Variants in CBFB observed in about 807,000 individuals in gnomAD.
CBFB encodes the protein CBF-beta.
CBFB carries 9 observed loss-of-function variants against 30.4 expected under a neutral mutation model. The ratio of observed to expected loss-of-function variants is 0.30; its 90% CI spans 0.18 to 0.52. CBFB has a LOEUF of 0.52. Ranked by LOEUF, CBFB falls within the 20% of genes least tolerant of loss-of-function variation. The probability of loss-of-function intolerance (pLI) is 0.97; values close to 1 mark genes in which losing one functional copy is unlikely to be tolerated. For missense variants in CBFB, 170 were observed against 244.0 expected, an observed-to-expected ratio of 0.70 and a Z score of 2.02; for synonymous variants, 94 against 84.0, an observed-to-expected ratio of 1.12 and a Z score of -0.65.
Position 67,029,831 on chromosome 16 carries a change from G to A in CBFB, c.165+18G>A, listed in dbSNP as rs779443787. The A allele has an allele frequency of 4.5e-6, 7 of 1,565,604 alleles. No individual in the cohort carries two copies. In the Admixed American group the frequency reaches 7.2e-5, roughly 16 times the overall value. On this transcript the variant is annotated intron_variant, in intron 2 of 5. Coordinates refer to ENST00000412916, the MANE Select transcript of CBFB (RefSeq NM_022845.3). ...CGGAAATCGTAAGTCGGCTGGCCCG[G>A]GGCGCGCGCGGGTCACTTGTTGCGC...
intron 5 of CBFB, among the ~76,000 whole-genome samples, chr16:67,086,117 G>C (rs1054790474): frequency 2.0e-5 from 3 of 152,184 alleles, no homozygotes; most frequent in African/African-American, 2.4e-5. Context: ...TGTGATACTT[G>C]TTTTCTTTGA....
chr16:67,033,213 G>T (rs1369712250), intron 2 of CBFB, among the ~76,000 whole-genome samples: 1 of 152,198 alleles, frequency 6.6e-6, no homozygotes, highest in Non-Finnish European at 1.5e-5. Context: ...TAAGGGCTGT[G>T]TTGATCATCT....
At chr16:67,053,800 G>A (rs1217443081) in intron 3 of CBFB, among the ~76,000 whole-genome samples, 3 of 151,372 alleles carry the variant, frequency 2.0e-5, no homozygotes, top group Non-Finnish European at 4.4e-5. Flanking sequence ...AGCTGCTCTG[G>A]TATTTTCTGC....
chr16:67,035,489 C>T (rs996923914), intron 2 of CBFB, among the ~76,000 whole-genome samples: 15 of 152,138 alleles, frequency 9.9e-5, no homozygotes, highest in African/African-American at 3.6e-4. Context: ...TAGGGAAATG[C>T]CATCAGAGAG....
chr16:67,037,380 CAA>C (rs776685655), intron 3 of CBFB, among the ~76,000 whole-genome samples: 22 of 151,952 alleles, frequency 1.4e-4, no homozygotes, highest in East Asian at 3.9e-4. Flanking sequence ...AAAAATAAAA[CAA>C]GAGGAAAACG....
rs902553051 is a variant in CBFB, at chr16:67,099,697, TTC to T, written c.*920_*921del. 6 of 205,054 alleles carry T rather than the reference TTC, an allele frequency of 2.9e-5. No homozygotes were observed. The highest frequency in any genetic ancestry group is 5.0e-5 in the Non-Finnish European group (5 of 99,940). 12.7% of individuals were successfully genotyped at this position (205,054 alleles called of 1,614,324 possible). A position where few individuals can be genotyped will look rare whatever the true frequency, so the allele number is the denominator to read the frequency against. On this transcript the variant is annotated 3_prime_UTR_variant, in exon 6 of 6. Coordinates refer to ENST00000412916, the MANE Select transcript of CBFB (RefSeq NM_022845.3). ...AAGTCACAGGCTGGCTTCTGTTTTA[TTC>T]AGGGATTTTTTTAAAAAGTCAATCA...
At chr16:67,065,380 T>C (rs975579783) in intron 3 of CBFB, among the ~76,000 whole-genome samples, 1 of 152,238 alleles carries the variant, frequency 6.6e-6, no homozygotes, top group Non-Finnish European at 1.5e-5. Flanking sequence ...AGGATACTTA[T>C]TTTCGATATT....
At chr16:67,043,067 C>T (rs1966558949) in intron 3 of CBFB, among the ~76,000 whole-genome samples, 1 of 152,174 alleles carries the variant, frequency 6.6e-6, no homozygotes, top group African/African-American at 2.4e-5. Context: ...TTCTTCAAGT[C>T]ACTTTCATAC....
chr16:67,082,178 C>T (rs777543960), intron 4 of CBFB, 35 bp from the exon 5 acceptor site: 59 of 1,316,040 alleles, frequency 4.5e-5, no homozygotes, highest in Non-Finnish European at 5.1e-5. Context: ...TTTTATAAAT[C>T]AAAATTAAAA....
chr16:67,085,706 C>A (rs369611891), intron 5 of CBFB, among the ~76,000 whole-genome samples: 3 of 127,564 alleles, frequency 2.4e-5, no homozygotes, highest in Non-Finnish European at 3.1e-5. Context: ...GAGACGGAGT[C>A]TCGCTCTGTC....
At chr16:67,095,093 C>T (rs1385748980) in intron 5 of CBFB, among the ~76,000 whole-genome samples, 1 of 151,146 alleles carries the variant, frequency 6.6e-6, no homozygotes, top group Non-Finnish European at 1.5e-5. Context: ...GAAGCGCATG[C>T]CGGCTACTCA....
At position 67,030,170 on chromosome 16, in the gene CBFB, C is replaced by CATTCAAGG. The variant is rs1194429005; in HGVS notation, c.165+358_165+365dup. The CATTCAAGG allele has an allele frequency of 1.9e-5, 4 of 207,542 alleles. No homozygotes were observed. The East Asian group carries it at 3.8e-4, about 20-fold the overall frequency. 12.9% of individuals were successfully genotyped at this position (207,542 alleles called of 1,614,324 possible). On this transcript the variant is annotated intron_variant, in intron 2 of 5. Coordinates refer to ENST00000412916, the MANE Select transcript of CBFB (RefSeq NM_022845.3). ...CCATTCGGAAAAAGAAGTGGAGCTT[C>CATTCAAGG]ATTCAAGGTCGGCGATAGTTTGTTT...
chr16:67,029,681 G>A (rs765094036), intron 1 of CBFB, 46 bp from the exon 2 acceptor site: 2 of 1,508,566 alleles, frequency 1.3e-6, no homozygotes, highest in South Asian at 1.2e-5. Context: ...GCGCGCGGGC[G>A]GCGCCGCGGA....
intron 3 of CBFB, among the ~76,000 whole-genome samples, chr16:67,048,451 T>A (rs890784502): frequency 2.6e-5 from 4 of 152,190 alleles, no homozygotes; most frequent in African/African-American, 9.7e-5. Context: ...CTCACTTTTT[T>A]AAAAGCTATT....
At chr16:67,069,437 T>TA (rs1476271582) in intron 4 of CBFB, among the ~76,000 whole-genome samples, 1 of 151,334 alleles carries the variant, frequency 6.6e-6, no homozygotes, top group African/African-American at 2.4e-5. Flanking sequence ...GACTAAATGG[T>TA]AGATAAGAGC....
chr16:67,068,921 T>C (rs1180680864), intron 4 of CBFB, among the ~76,000 whole-genome samples: 1 of 152,030 alleles, frequency 6.6e-6, no homozygotes, highest in Non-Finnish European at 1.5e-5. Flanking sequence ...AAATAGAAAT[T>C]CTGGAGTTGA....
chr16:67,029,259 G>T lies in CBFB; in HGVS notation c.-149G>T, dbSNP rs1476626521. The T allele has an allele frequency of 3.8e-5, 16 of 420,952 alleles. No individual in the cohort carries two copies. The highest frequency in any genetic ancestry group is 5.4e-5 in the Non-Finnish European group (14 of 257,484). The allele number at this position is 420,952 out of a possible 1,614,324, so 26.1% of individuals were successfully genotyped here. On this transcript the variant is annotated 5_prime_UTR_variant, in exon 1 of 6. Transcript: ENST00000412916. ...GGCGGCGCCTCAGACTCCCCGGAAC[G>T]GGAGCCCACGCGGGCGGGCGCCTGA...
chr16:67,045,796 A>ATTT (rs576739034), intron 3 of CBFB, among the ~76,000 whole-genome samples: 7 of 133,642 alleles, frequency 5.2e-5, no homozygotes, highest in African/African-American at 8.3e-5. Context: ...TACTTTCTAC[A>ATTT]TTTTTTTTTT....
At chr16:67,076,670 G>A (rs1295143916) in intron 4 of CBFB, among the ~76,000 whole-genome samples, 7 of 152,122 alleles carry the variant, frequency 4.6e-5, no homozygotes, top group African/African-American at 1.7e-4. Flanking sequence ...CCTGACCTCA[G>A]GTGATCTGCC....
Sources: gnomAD v4.1 joint callset for allele counts (sites outside exome capture counted in the v4.1 genomes callset) on GRCh38, gnomAD v4.1.1 for gene constraint, MANE v1.5 for transcripts, NCBI Gene and HGNC (gene_info 2026-07-23, HGNC 2026-07-21) for gene names.